The following EML1 variants were observed in gnomAD, a reference collection of about 807,000 sequenced individuals.
EML1 encodes the protein EMAP like 1.
EML1 carries 27 observed loss-of-function variants against 110.4 expected under a neutral mutation model. The ratio of observed to expected loss-of-function variants is 0.24; its 90% CI spans 0.18 to 0.34. The LOEUF is 0.34. EML1 is among the 10% of genes least tolerant of loss of function. The pLI is 1.00. For synonymous variants in EML1, 344 were observed against 385.8 expected (o/e 0.89, Z 1.27); for missense variants, 741 against 1,030.9 (o/e 0.72, Z 3.85).
At chr14:99,917,591 A>G (rs2060054354) in intron 15 of EML1, among the ~76,000 whole-genome samples, 191 bp from the exon 16 acceptor site, 2 of 152,148 alleles carry the variant, frequency 1.3e-5, no homozygotes, top group African/African-American at 4.8e-5. Context: ...GAAATTTAGC[A>G]TTATTGAAAC....
At chr14:99,840,993 A>G (rs2058623574) in intron 1 of EML1, among the ~76,000 whole-genome samples, 1 of 152,180 alleles carries the variant, frequency 6.6e-6, no homozygotes, top group Admixed American at 6.5e-5. Flanking sequence ...CGGGTGATGT[A>G]GGGGCTGCCC....
intron 13 of EML1, among the ~76,000 whole-genome samples, chr14:99,913,816 A>G (rs1285106558): frequency 3.3e-5 from 5 of 151,842 alleles, no homozygotes; most frequent in Non-Finnish European, 7.4e-5. Flanking sequence ...CAGCCTCCCA[A>G]GTAGCTGGGA....
intron 15 of EML1, 119 bp from the exon 16 acceptor site, chr14:99,917,663 A>C: frequency 1.1e-6 from 1 of 940,550 alleles, no homozygotes. Context: ...AAATAGAGCC[A>C]TATAGCCCTA....
intron 17 of EML1, among the ~76,000 whole-genome samples, chr14:99,923,290 G>C (rs2060162037): frequency 6.6e-6 from 1 of 152,134 alleles, no homozygotes; most frequent in Admixed American, 6.6e-5. Flanking sequence ...TTTCAATTCT[G>C]ATGAAGTTCA....
chr14:99,870,389 A>G (rs1391877447), intron 3 of EML1, among the ~76,000 whole-genome samples: 2 of 152,262 alleles, frequency 1.3e-5, no homozygotes, highest in East Asian at 1.9e-4. Flanking sequence ...AGTGCAAGGT[A>G]AAGCAGCAAG....
chr14:99,837,371 C>T (rs575518868), intron 1 of EML1, among the ~76,000 whole-genome samples: 1 of 152,258 alleles, frequency 6.6e-6, no homozygotes, highest in Non-Finnish European at 1.5e-5. Context: ...TGTTTGAAAG[C>T]TGATGTTTAA....
At chr14:99,937,252 T>C (rs2060491971) in intron 19 of EML1, among the ~76,000 whole-genome samples, 1 of 152,200 alleles carries the variant, frequency 6.6e-6, no homozygotes, top group African/African-American at 2.4e-5. Context: ...ACCTCCTCCC[T>C]GTCCAGCTCC....
At chr14:99,771,168 TTTTA>T (rs1459739100), upstream of EML1, among the ~76,000 whole-genome samples, 1 of 152,116 alleles carries the variant, frequency 6.6e-6, no homozygotes, top group Non-Finnish European at 1.5e-5. Context: ...TGTCTTACCT[TTTTA>T]TTTATTAGAG....
chr14:99,927,001 G>T (rs984529329), intron 17 of EML1, among the ~76,000 whole-genome samples: 2 of 152,154 alleles, frequency 1.3e-5, no homozygotes, highest in African/African-American at 4.8e-5. Flanking sequence ...CCTGCCCTTG[G>T]CCTTCCAAAG....
At chr14:99,906,559 C>T (rs968179601) in intron 9 of EML1, among the ~76,000 whole-genome samples, 1 of 152,148 alleles carries the variant, frequency 6.6e-6, no homozygotes, top group African/African-American at 2.4e-5. Context: ...TGGGATTTAG[C>T]CAGCTTCTTT....
chr14:99,811,494 G>A (rs1436358779), intron 1 of EML1, among the ~76,000 whole-genome samples: 1 of 151,658 alleles, frequency 6.6e-6, no homozygotes, highest in African/African-American at 2.4e-5. Context: ...GTGAGCTAGG[G>A]AAAGGAAAAT....
upstream of EML1, among the ~76,000 whole-genome samples, chr14:99,791,183 G>A (rs7155362): frequency 0.098 from 14,928 of 152,204 alleles, 1,094 homozygotes; most frequent in African/African-American, 0.21. Flanking sequence ...GTTCTAACGT[G>A]CATGTACCTG....
chr14:99,880,200 G>A (rs1366335950), intron 4 of EML1, among the ~76,000 whole-genome samples: 1 of 152,180 alleles, frequency 6.6e-6, no homozygotes, highest in Non-Finnish European at 1.5e-5. Flanking sequence ...GGCGAGCATA[G>A]CACAGAGCTG....
chr14:99,908,129 G>A (rs901952546), intron 10 of EML1, among the ~76,000 whole-genome samples: 9 of 152,212 alleles, frequency 5.9e-5, no homozygotes, highest in South Asian at 4.1e-4. Flanking sequence ...CCCTGCAGCC[G>A]CAGGAAGGGC....
At chr14:99,848,200 A>C (rs2058735373) in intron 1 of EML1, among the ~76,000 whole-genome samples, 1 of 152,086 alleles carries the variant, frequency 6.6e-6, no homozygotes, top group South Asian at 2.1e-4. Flanking sequence ...TTAGTCATTT[A>C]TGAGGGATCA....
chr14:99,768,330 T>A (rs1190505791), upstream of EML1, among the ~76,000 whole-genome samples: 2 of 152,104 alleles, frequency 1.3e-5, no homozygotes, highest in Admixed American at 1.3e-4. Context: ...AGTGGTGAGA[T>A]GGGGTCTCTG....
intron 1 of EML1, among the ~76,000 whole-genome samples, chr14:99,849,614 CT>C (rs1164502750): frequency 2.6e-5 from 4 of 151,840 alleles, no homozygotes; most frequent in Non-Finnish European, 5.9e-5. Flanking sequence ...GTGGTGCAAT[CT>C]TGGCTCACTG....
intron 1 of EML1, among the ~76,000 whole-genome samples, chr14:99,804,612 GA>G (rs2057938704): frequency 6.6e-6 from 1 of 152,118 alleles, no homozygotes; most frequent in Admixed American, 6.5e-5. Flanking sequence ...TGAATGATGG[GA>G]AAAAAGATGG....
At position 99,937,848 on chromosome 14, in the gene EML1, T is replaced by C; in HGVS notation, c.2127T>C (p.Ser709=). ...WVPSACKQVV[S]VETTRDIEWA... is the part of the protein sequence containing the mutation. ...CCTCTGCCTGTAAGCAAGTCGTAAG[T>C]GTGGAAACTACAAGAGACATTGAAT... is the stretch of plus-strand genomic sequence containing the variant. Residue 709 remains serine, a synonymous_variant, in exon 20 of 22, where the codon AGT becomes AGC. Coordinates refer to ENST00000262233, the MANE Select transcript of EML1 (RefSeq NM_004434.3). 8 of 1,614,138 alleles carry C rather than the reference T, an allele frequency of 5.0e-6. No individual in the cohort carries two copies. Among genetic ancestry groups the C allele is most frequent in the Non-Finnish European group, 6.8e-6 (8 of 1,179,982 alleles).
Sources: gnomAD v4.1 joint callset for allele counts (sites outside exome capture counted in the v4.1 genomes callset) on GRCh38, gnomAD v4.1.1 for gene constraint, MANE v1.5 for transcripts, NCBI Gene and HGNC (gene_info 2026-07-23, HGNC 2026-07-21) for gene names.